The following TFB2M variants were observed in gnomAD, a reference collection of about 807,000 sequenced individuals.
The protein encoded by TFB2M is dimethyladenosine transferase 2, mitochondrial.
Under a neutral mutation model 41.3 loss-of-function variants are expected in TFB2M, and 44 were observed. The observed-to-expected ratio is 1.07, with a 90% CI of 0.84 to 1.37. TFB2M has a LOEUF of 1.37. Ranked by LOEUF, TFB2M falls within the 40% of genes most tolerant of loss-of-function variation. TFB2M has a pLI of 0.00. For missense variants in TFB2M, 496 were observed against 490.2 expected, an observed-to-expected ratio of 1.01 and a Z score of -0.11; for synonymous variants, 188 against 176.8, an observed-to-expected ratio of 1.06 and a Z score of -0.50.
At chr1:246,542,352 A>G (rs1485495339) in intron 7 of TFB2M, among the ~76,000 whole-genome samples, 1 of 151,876 alleles carries the variant, frequency 6.6e-6, no homozygotes, top group Non-Finnish European at 1.5e-5. Context: ...CAAACCATCA[A>G]TAAGCCTCCA....
intron 1 of TFB2M, 95 bp from the exon 2 acceptor site, chr1:246,564,529 G>A (rs1659544607): frequency 1.7e-6 from 2 of 1,171,002 alleles, no homozygotes; most frequent in Admixed American, 2.0e-5. Flanking sequence ...GTTATTACCT[G>A]GTTTTTAAAT....
At chr1:246,543,404 G>A (rs1368380682) in intron 7 of TFB2M, among the ~76,000 whole-genome samples, 2 of 151,916 alleles carry the variant, frequency 1.3e-5, no homozygotes, top group Non-Finnish European at 2.9e-5. Context: ...ACAGATGGCT[G>A]GGCGCGGGAG....
Position 246,556,671 on chromosome 1 carries a change from C to G in TFB2M, c.607G>C (p.Ala203Pro). The G allele has an allele frequency of 1.3e-6, 2 of 1,582,760 alleles. No individual in the cohort carries two copies. Among genetic ancestry groups the G allele is most frequent in the East Asian group, 2.3e-5 (1 of 43,462 alleles). The change falls in exon 4 of 8, where the codon GCA becomes CCA. Residue 203 changes from alanine to proline, a missense_variant. Coordinates refer to ENST00000366514, the MANE Select transcript of TFB2M (RefSeq NM_022366.3). The stretch of plus-strand genomic sequence containing the variant: ...AAGTCATATGCGAGTTTCCAAAGTG[C>G]CCTTTTCTCACCTCTACTTGGGAAC... ...GMFPSRGEKRALWKLAYDLYS... is the reference protein window; with the variant it reads ...GMFPSRGEKRPLWKLAYDLYS...
intron 2 of TFB2M, among the ~76,000 whole-genome samples, chr1:246,561,420 T>C (rs1358000998): frequency 6.6e-6 from 1 of 152,204 alleles, no homozygotes; most frequent in African/African-American, 2.4e-5. Flanking sequence ...TCCCTAACCT[T>C]CCTTTTTTCA....
At chr1:246,544,810 C>G (rs1658953750) in intron 6 of TFB2M, 129 bp from the exon 7 acceptor site, 2 of 744,770 alleles carry the variant, frequency 2.7e-6, no homozygotes, top group Non-Finnish European at 4.2e-6. Context: ...TTCACATTCT[C>G]TTTTTCTTTC....
chr1:246,559,009 A>G (rs1317791152), intron 2 of TFB2M, among the ~76,000 whole-genome samples: 2 of 152,218 alleles, frequency 1.3e-5, no homozygotes, highest in African/African-American at 4.8e-5. Context: ...AATATTTATT[A>G]AGGTTGGAAA....
Position 246,556,764 on chromosome 1 carries a change from C to A in TFB2M, c.557-43G>T, listed in dbSNP as rs748797445. ...AAAAAGATTTGAATAAAGTTCTTAG[C>A]ATTTTGTCCTATGTCCATATTTTTT... On this transcript the variant is annotated intron_variant, in intron 3 of 7. Coordinates refer to ENST00000366514, the MANE Select transcript of TFB2M (RefSeq NM_022366.3). The A allele has an allele frequency of 2.0e-6, 3 of 1,493,632 alleles. No homozygotes were observed. The East Asian group carries it at 7.6e-5, about 38-fold the overall frequency. 92.5% of individuals were successfully genotyped at this position (1,493,632 alleles called of 1,614,324 possible).
chr1:246,557,907 G>A lies in TFB2M; in HGVS notation c.403-373C>T, dbSNP rs192183086. On this transcript the variant is annotated intron_variant, in intron 2 of 7. Coordinates refer to ENST00000366514, the MANE Select transcript of TFB2M (RefSeq NM_022366.3). ...GAGAGCCTCAATCTCTTGACCTCATGATACGTCCACCTTGGCCTCCCAAAG... is the reference window on the plus strand; with the variant it reads ...GAGAGCCTCAATCTCTTGACCTCATAATACGTCCACCTTGGCCTCCCAAAG... Among the ~76,000 whole-genome samples the A allele has an allele frequency of 1.2e-3, 185 of 152,250 alleles. 1 individual carries two copies. The highest frequency in any genetic ancestry group is 4.2e-3 in the African/African-American group (176 of 41,532).
intron 4 of TFB2M, among the ~76,000 whole-genome samples, chr1:246,555,432 T>A (rs935757430): frequency 6.6e-6 from 1 of 151,960 alleles, no homozygotes; most frequent in African/African-American, 2.4e-5. Flanking sequence ...TACAAAAAGC[T>A]GGGCCTGGTG....
At chr1:246,550,742 G>A (rs1383319426) in intron 5 of TFB2M, among the ~76,000 whole-genome samples, 2 of 152,230 alleles carry the variant, frequency 1.3e-5, no homozygotes, top group African/African-American at 4.8e-5. Context: ...AATTAGCAAG[G>A]TGTGGCGGTG....
In TFB2M at chr1:246,556,574, TG is replaced by T; in HGVS notation, c.703del (p.Gln235ArgfsTer3). ...VNMFIGEKEFQKLMADPGNPD... is the reference protein window; with the variant it reads ...VNMFIGEKEFXKLMADPGNPD... The stretch of plus-strand genomic sequence containing the variant: ...AATAGGTATTTGTTAATAACATACC[TG>T]GAATTCTTTTTCACCAATAAACATA... On this transcript the variant is annotated frameshift_variant and splice_region_variant, in exon 4 of 8. Coordinates refer to ENST00000366514, the MANE Select transcript of TFB2M (RefSeq NM_022366.3). LOFTEE classifies it high-confidence loss of function. 6.7e-7 allele frequency: 1 copy of T among 1,492,324 alleles called. No homozygotes were observed. 92.4% of individuals were successfully genotyped at this position (1,492,324 alleles called of 1,614,324 possible).
At chr1:246,562,967 C>T (rs1322051249) in intron 2 of TFB2M, among the ~76,000 whole-genome samples, 1 of 152,090 alleles carries the variant, frequency 6.6e-6, no homozygotes, top group East Asian at 1.9e-4. Flanking sequence ...CCACAGGAAA[C>T]ATTTTTAAAA....
At chr1:246,547,946 ATTTTT>A (rs10599398) in intron 6 of TFB2M, among the ~76,000 whole-genome samples, 7 of 134,430 alleles carry the variant, frequency 5.2e-5, no homozygotes, top group African/African-American at 5.6e-5. Context: ...TAATATCACA[ATTTTT>A]TTTTTTTTTT....
At chr1:246,542,615 T>C (rs2102982045) in intron 7 of TFB2M, among the ~76,000 whole-genome samples, 1 of 152,148 alleles carries the variant, frequency 6.6e-6, no homozygotes, top group South Asian at 2.1e-4. Context: ...GTGGTTGCAG[T>C]GAGCTATGAT....
chr1:246,557,428 C>A lies in TFB2M; in HGVS notation c.509G>T (p.Arg170Leu), dbSNP rs150379853. The change falls in exon 3 of 8, where the codon CGA (arginine) becomes CTA (leucine). Residue 170 changes from arginine (R) to leucine (L), a missense_variant. Physicochemically the swap from Arg to Leu is moderately radical, Grantham distance 102 (BLOSUM62 -2). Coordinates refer to ENST00000366514, the MANE Select transcript of TFB2M (RefSeq NM_022366.3). ...GVIKPPAMSSRGLFKNLGIEA... is the reference protein window; with the variant it reads ...GVIKPPAMSSLGLFKNLGIEA... Reference sequence around the variant, plus strand: ...TATTCCCAAATTCTTAAAGAGCCCTCGAGAAGACATAGCAGGTGGTTTTAT... The same window carrying A: ...TATTCCCAAATTCTTAAAGAGCCCTAGAGAAGACATAGCAGGTGGTTTTAT... The A allele has an allele frequency of 3.8e-5, 62 of 1,613,492 alleles. No individual in the cohort carries two copies. In the African/African-American group the frequency reaches 7.9e-4, roughly 20 times the overall value.
chr1:246,555,552 AC>A (rs1210350361), intron 4 of TFB2M, among the ~76,000 whole-genome samples: 1 of 152,146 alleles, frequency 6.6e-6, no homozygotes, highest in African/African-American at 2.4e-5. Context: ...AGCCTGGGCA[AC>A]AGGGCAAGAC....
At chr1:246,545,355 C>T (rs1658986909) in intron 6 of TFB2M, among the ~76,000 whole-genome samples, 2 of 151,870 alleles carry the variant, frequency 1.3e-5, no homozygotes, top group Non-Finnish European at 2.9e-5. Flanking sequence ...GTGGCAAAAC[C>T]CCATCTCTAT....
intron 1 of TFB2M, 34 bp from the exon 2 acceptor site, chr1:246,564,468 A>T: frequency 6.3e-7 from 1 of 1,581,606 alleles, no homozygotes; most frequent in Non-Finnish European, 8.7e-7. Context: ...GTTTATTTGT[A>T]CAAGAAACAT....
At chr1:246,563,884 AAC>A (rs1011871428) in intron 2 of TFB2M, among the ~76,000 whole-genome samples, 92 of 151,916 alleles carry the variant, frequency 6.1e-4, no homozygotes, top group African/African-American at 2.2e-3. Flanking sequence ...TGAAATCCAA[AAC>A]AGTTGTGTTC....
Sources: allele counts gnomAD v4.1 joint callset (sites outside exome capture counted in the v4.1 genomes callset), GRCh38; gene constraint gnomAD v4.1.1; transcripts MANE v1.5; gene names NCBI Gene and HGNC (gene_info 2026-07-23, HGNC 2026-07-21).